The following MAP4K5 variants were observed in gnomAD, a reference collection of about 807,000 sequenced individuals.
The protein encoded by MAP4K5 is MAPK/ERK kinase kinase kinase 5.
In MAP4K5, 82 loss-of-function variants were observed where a neutral mutation model predicts 135.6. The observed-to-expected ratio is 0.60, with a 90% confidence interval of 0.51 to 0.73. MAP4K5 has a LOEUF of 0.73. MAP4K5 is among the 30% of genes least tolerant of loss of function. The pLI is 0.00. For missense variants in MAP4K5, 907 were observed against 1,010.9 expected, an observed-to-expected ratio of 0.90 and a Z score of 1.39; for synonymous variants, 347 against 335.0, an observed-to-expected ratio of 1.04 and a Z score of -0.39.
chr14:50,455,893 A>G (rs1249113298), intron 14 of MAP4K5, among the ~76,000 whole-genome samples: 3 of 152,144 alleles, frequency 2.0e-5, no homozygotes, highest in African/African-American at 7.2e-5. Context: ...AGCTAAGGTG[A>G]CAAATATTGA....
At chr14:50,542,377 G>A (rs913156455) in intron 2 of MAP4K5, 2 of 152,004 alleles carry the variant, frequency 1.3e-5, no homozygotes, top group African/African-American at 4.8e-5. Context: ...AGGTTGATAG[G>A]TGCAGCAAAC....
At chr14:50,448,739 A>T in intron 15 of MAP4K5, 35 bp downstream of exon 15, 1 of 1,318,842 alleles carries the variant, frequency 7.6e-7, no homozygotes, top group Non-Finnish European at 1.1e-6. Context: ...CTCAAATCTT[A>T]ATGTGAAAAT....
intron 1 of MAP4K5, among the ~76,000 whole-genome samples, chr14:50,555,804 G>A (rs766938935): frequency 6.6e-6 from 1 of 152,114 alleles, no homozygotes; most frequent in Non-Finnish European, 1.5e-5. Flanking sequence ...GAAAGTAAAT[G>A]TCATTTTTTG....
At chr14:50,492,669 T>C (rs1302605645) in intron 3 of MAP4K5, among the ~76,000 whole-genome samples, 1 of 151,992 alleles carries the variant, frequency 6.6e-6, no homozygotes, top group Non-Finnish European at 1.5e-5. Context: ...AGAAACTATT[T>C]GCAAATCCTG....
chr14:50,526,890 A>G (rs920082776), intron 2 of MAP4K5, among the ~76,000 whole-genome samples: 3 of 152,218 alleles, frequency 2.0e-5, no homozygotes, highest in Non-Finnish European at 4.4e-5. Context: ...TAGCATCCAG[A>G]GGAACCCACG....
intron 14 of MAP4K5, among the ~76,000 whole-genome samples, chr14:50,452,662 G>A (rs990282974): frequency 6.6e-6 from 1 of 152,110 alleles, no homozygotes; most frequent in Non-Finnish European, 1.5e-5. Context: ...ATTTTGCCAG[G>A]TGCTGTTAAT....
At chr14:50,528,402 T>TAAA (rs5808556) in intron 2 of MAP4K5, among the ~76,000 whole-genome samples, 5 of 107,072 alleles carry the variant, frequency 4.7e-5, no homozygotes, top group Admixed American at 9.9e-5. Flanking sequence ...ACCTAAGGTG[T>TAAA]AAAAAAAAAA....
intron 11 of MAP4K5, among the ~76,000 whole-genome samples, chr14:50,464,765 G>GT (rs1441555745): frequency 6.6e-6 from 1 of 152,158 alleles, no homozygotes; most frequent in Non-Finnish European, 1.5e-5. Flanking sequence ...TGAAATAACC[G>GT]TATTTATCAG....
intron 2 of MAP4K5, among the ~76,000 whole-genome samples, chr14:50,513,300 C>T (rs2037967379): frequency 6.6e-6 from 1 of 152,014 alleles, no homozygotes; most frequent in Non-Finnish European, 1.5e-5. Context: ...TTCAATCTTA[C>T]TAATAGTAAA....
chr14:50,533,565 A>G (rs1334834496), upstream of MAP4K5, among the ~76,000 whole-genome samples: 1 of 152,150 alleles, frequency 6.6e-6, no homozygotes, highest in Non-Finnish European at 1.5e-5. Context: ...CTGAAGGTAG[A>G]AATTAAGTTG....
At chr14:50,494,332 C>T (rs1240299148) in intron 3 of MAP4K5, among the ~76,000 whole-genome samples, 2 of 151,834 alleles carry the variant, frequency 1.3e-5, no homozygotes, top group Non-Finnish European at 2.9e-5. Context: ...CCACACTGGG[C>T]TAATTTTTGT....
chr14:50,431,776 G>A, intron 28 of MAP4K5, among the ~76,000 whole-genome samples: 1 of 151,982 alleles, frequency 6.6e-6, no homozygotes. Flanking sequence ...CCAGTAATGG[G>A]ATGGCTGGGT....
chr14:50,500,797 A>C (rs1377168063), intron 3 of MAP4K5, among the ~76,000 whole-genome samples: 2 of 152,182 alleles, frequency 1.3e-5, no homozygotes, highest in Non-Finnish European at 2.9e-5. Flanking sequence ...ATTCTTGAGC[A>C]CAAATAAAAG....
Position 50,434,514 on chromosome 14 carries a change from C to G in MAP4K5, c.2044G>C (p.Glu682Gln), listed in dbSNP as rs763379244. 20 of 1,604,924 alleles carry G rather than the reference C, an allele frequency of 1.2e-5. 1 individual carries two copies. In the South Asian group the frequency reaches 1.7e-4, roughly 13 times the overall value. The stretch of plus-strand genomic sequence containing the variant: ...ACACAGACCATAGGGTATTCCTGTT[C>G]AGGTATCACCAGCATTTCAAAAACA... ...LNVFEMLVIP[E>Q]QEYPMVCVAI... is the part of the protein sequence containing the mutation. The change falls in exon 28 of 33, where the codon GAA becomes CAA. Residue 682 changes from glutamate to glutamine, a missense_variant. Around this residue, in one of 3 missense-constraint regions of MAP4K5, gnomAD observed 690 missense variants for 777.4 expected, o/e 0.89. Transcript: ENST00000682126.
intron 1 of MAP4K5, among the ~76,000 whole-genome samples, chr14:50,557,239 T>C (rs1289833626): frequency 6.6e-6 from 1 of 152,164 alleles, no homozygotes; most frequent in African/African-American, 2.4e-5. Context: ...AGACTCAGAG[T>C]TATATAAAAG....
At position 50,428,767 on chromosome 14, in the gene MAP4K5, A is replaced by C; in HGVS notation, c.2234-13T>G. The C allele has an allele frequency of 7.5e-7, 1 of 1,334,396 alleles. No homozygotes were observed. Among genetic ancestry groups the C allele is most frequent in the African/African-American group, 1.5e-5 (1 of 66,364 alleles). The allele number at this position is 1,334,396 out of a possible 1,614,324, so 82.7% of individuals were successfully genotyped here. On this transcript the variant is annotated splice_polypyrimidine_tract_variant and intron_variant, in intron 29 of 32. Transcript: ENST00000682126. ...ATTTTCACAAATTCTTAAAAAAAAAAAACAAGTCAAGACTGGACATGCAAA... is the reference window on the plus strand; with the variant it reads ...ATTTTCACAAATTCTTAAAAAAAAACAACAAGTCAAGACTGGACATGCAAA...
At chr14:50,472,413 A>T (rs2036986128) in intron 9 of MAP4K5, 1 of 152,182 alleles carries the variant, frequency 6.6e-6, no homozygotes, top group Non-Finnish European at 1.5e-5. Flanking sequence ...GAATAACCAT[A>T]TGTATATGAG....
chr14:50,440,175 C>T, intron 22 of MAP4K5, 102 bp from the exon 23 acceptor site: 2 of 903,804 alleles, frequency 2.2e-6, no homozygotes, highest in Non-Finnish European at 3.3e-6. Flanking sequence ...TTCTAACTTT[C>T]AGGTAATTAT....
chr14:50,553,949 G>A (rs1305712002), intron 1 of MAP4K5, among the ~76,000 whole-genome samples: 1 of 152,092 alleles, frequency 6.6e-6, no homozygotes, highest in East Asian at 1.9e-4. Flanking sequence ...GGGGACTCCG[G>A]GCAAAGGGTC....
Sources: gnomAD v4.1 joint callset for allele counts (sites outside exome capture counted in the v4.1 genomes callset) on GRCh38, gnomAD v4.1.1 for gene constraint, gnomAD v4.1.1 regional missense constraint, MANE v1.5 for transcripts, NCBI Gene and HGNC (gene_info 2026-07-23, HGNC 2026-07-21) for gene names.